The following NCOA2 variants were observed in gnomAD, a reference collection of about 807,000 sequenced individuals.
NCOA2 encodes the protein class E basic helix-loop-helix protein 75.
NCOA2 carries 21 observed loss-of-function variants against 145.1 expected under a neutral mutation model. The ratio of observed to expected loss-of-function variants is 0.14; its 90% confidence interval spans 0.10 to 0.21. NCOA2 has a LOEUF of 0.21. Among genes scored for constraint, NCOA2 ranks in the 10% least tolerant of loss-of-function variants. The probability of loss-of-function intolerance (pLI) is 1.00; values close to 1 mark genes in which losing one functional copy is unlikely to be tolerated. For synonymous variants in NCOA2, 619 were observed against 637.5 expected (o/e 0.97, Z 0.44); for missense variants, 1,472 against 1,837.6 (o/e 0.80, Z 3.64).
chr8:70,435,424 C>CAAAAAAAAAAAAAAAAAAAA, the NCOA2 span, among the ~76,000 whole-genome samples: 3 of 20,154 alleles, frequency 1.5e-4, no homozygotes, highest in Admixed American at 7.3e-4. Flanking sequence ...GACTCCGTCT[C>CAAAAAAAAAAAAAAAAAAAA]AAAAAAAAAA....
chr8:70,441,941 AGAAAGAAAGAAAG>A, the NCOA2 span, among the ~76,000 whole-genome samples: 1 of 149,342 alleles, frequency 6.7e-6, no homozygotes, highest in African/African-American at 2.5e-5. Flanking sequence ...AAGAAGAAGA[AGAAAGAAAGAAAG>A]GAAAGAAAGA....
At chr8:70,295,698 T>G (rs959531627) in intron 2 of NCOA2, among the ~76,000 whole-genome samples, 6 of 152,126 alleles carry the variant, frequency 3.9e-5, no homozygotes, top group Non-Finnish European at 7.3e-5. Flanking sequence ...TCCAAGCACT[T>G]TGGGAGGCCG....
At chr8:70,372,969 T>C (rs567532138) in intron 1 of NCOA2, among the ~76,000 whole-genome samples, 1 of 152,350 alleles carries the variant, frequency 6.6e-6, no homozygotes, top group South Asian at 2.1e-4. Flanking sequence ...TGCTAAATAG[T>C]ATCCCATTGT....
intron 2 of NCOA2, among the ~76,000 whole-genome samples, chr8:70,254,190 A>G (rs1018893654): frequency 2.0e-5 from 3 of 152,234 alleles, no homozygotes; most frequent in African/African-American, 7.2e-5. Flanking sequence ...AAGCACAATA[A>G]GATACTACCT....
chr8:70,294,107 G>T (rs535893742), intron 2 of NCOA2, among the ~76,000 whole-genome samples: 3 of 152,028 alleles, frequency 2.0e-5, no homozygotes, highest in Non-Finnish European at 4.4e-5. Flanking sequence ...GTCCTACTCA[G>T]CTTTGAAAAT....
chr8:70,381,245 G>C (rs1019382863), intron 1 of NCOA2, among the ~76,000 whole-genome samples: 2 of 151,878 alleles, frequency 1.3e-5, no homozygotes, highest in African/African-American at 2.4e-5. Context: ...GGGATATTTT[G>C]CCAATACCAA....
intron 1 of NCOA2, among the ~76,000 whole-genome samples, chr8:70,321,281 CTTGAT>C (rs1806030124): frequency 6.6e-6 from 1 of 151,916 alleles, no homozygotes; most frequent in Admixed American, 6.6e-5. Context: ...TGTTAATTAG[CTTGAT>C]TTAATTATTC....
At chr8:70,255,240 T>C (rs1308316575) in intron 2 of NCOA2, among the ~76,000 whole-genome samples, 1 of 152,190 alleles carries the variant, frequency 6.6e-6, no homozygotes, top group Admixed American at 6.5e-5. Context: ...AAGCAACTCA[T>C]GTTAATTTGT....
At chr8:70,214,140 T>C (rs895020266) in intron 3 of NCOA2, 65 bp from the exon 4 acceptor site, 2 of 1,467,254 alleles carry the variant, frequency 1.4e-6, no homozygotes, top group Non-Finnish European at 9.3e-7. Context: ...AAAATGAACG[T>C]GTTAAACAAG....
At chr8:70,369,913 A>AT (rs1045671854) in intron 1 of NCOA2, among the ~76,000 whole-genome samples, 45 of 150,166 alleles carry the variant, frequency 3.0e-4, no homozygotes, top group African/African-American at 1.1e-3. Flanking sequence ...TGAGTATTTT[A>AT]TTTTTTGAGA....
chr8:70,346,229 G>C (rs1808625788), intron 1 of NCOA2, among the ~76,000 whole-genome samples: 1 of 152,178 alleles, frequency 6.6e-6, no homozygotes, highest in Non-Finnish European at 1.5e-5. Context: ...AAGCCACAAA[G>C]ACAGTGCTCT....
chr8:70,332,476 A>T (rs1563773303), intron 1 of NCOA2, among the ~76,000 whole-genome samples: 1 of 152,190 alleles, frequency 6.6e-6, no homozygotes, highest in Non-Finnish European at 1.5e-5. Flanking sequence ...CTAAATAGGA[A>T]AATGGGTCTT....
chr8:70,359,513 A>C (rs1810026256), intron 1 of NCOA2, among the ~76,000 whole-genome samples: 1 of 152,216 alleles, frequency 6.6e-6, no homozygotes, highest in Admixed American at 6.5e-5. Context: ...AGAATAGGTA[A>C]ATTCATAGAG....
intron 4 of NCOA2, among the ~76,000 whole-genome samples, chr8:70,203,660 G>C (rs1446670886): frequency 6.6e-6 from 1 of 152,044 alleles, no homozygotes; most frequent in African/African-American, 2.4e-5. Flanking sequence ...ATAATAAACA[G>C]TGGTATTTGT....
At chr8:70,442,435 G>A in the NCOA2 span, among the ~76,000 whole-genome samples, 3 of 152,114 alleles carry the variant, frequency 2.0e-5, no homozygotes, top group South Asian at 2.1e-4. Flanking sequence ...TTATCACTTC[G>A]GTGGAGACAA....
At chr8:70,152,113 G>GCA (rs1240424414) in intron 11 of NCOA2, among the ~76,000 whole-genome samples, 1 of 152,126 alleles carries the variant, frequency 6.6e-6, no homozygotes, top group East Asian at 1.9e-4. Context: ...TTTTGCTTAG[G>GCA]CATCTATTTG....
At chr8:70,393,731 T>TCC (rs1244382273) in intron 1 of NCOA2, among the ~76,000 whole-genome samples, 1 of 152,218 alleles carries the variant, frequency 6.6e-6, no homozygotes, top group East Asian at 1.9e-4. Flanking sequence ...TCCCCTTGTC[T>TCC]CCTGGTTCTC....
intron 2 of NCOA2, among the ~76,000 whole-genome samples, chr8:70,257,633 A>G (rs1823741360): frequency 6.6e-6 from 1 of 152,106 alleles, no homozygotes; most frequent in South Asian, 2.1e-4. Context: ...TCACATCGCT[A>G]CTGCCAAAAC....
chr8:70,134,507 C>A lies in NCOA2; in HGVS notation c.3159-2505G>T, dbSNP rs1585776767. On this transcript the variant is annotated intron_variant, in intron 15 of 22. Coordinates refer to ENST00000452400, the MANE Select transcript of NCOA2 (RefSeq NM_006540.4). ...CTTTGGAAGCTGCATTCATATGCAA[C>A]CCTCCCGTCCCAGATGTATTCAGTG... is the stretch of plus-strand genomic sequence containing the variant. Among the ~76,000 whole-genome samples, 3 of 152,198 alleles carry A rather than the reference C, an allele frequency of 2.0e-5. No homozygotes were observed. The East Asian group carries it at 5.8e-4, about 29-fold the overall frequency.
Sources: allele counts gnomAD v4.1 joint callset (sites outside exome capture counted in the v4.1 genomes callset), GRCh38; gene constraint gnomAD v4.1.1; transcripts MANE v1.5; gene names NCBI Gene and HGNC (gene_info 2026-07-23, HGNC 2026-07-21).